ADCY3: variants seen among roughly 807,000 people sequenced by gnomAD.
The protein encoded by ADCY3 is adenylate cyclase 3.
Under a neutral mutation model 119.4 loss-of-function variants are expected in ADCY3, and 70 were observed. That is an observed-to-expected ratio of 0.59 (90% CI 0.48 to 0.72). The LOEUF is 0.72. Ranked by LOEUF, ADCY3 falls within the 30% of genes least tolerant of loss-of-function variation. The probability of loss-of-function intolerance (pLI) is 0.00; values close to 1 mark genes in which losing one functional copy is unlikely to be tolerated. For synonymous variants in ADCY3, 672 were observed against 621.4 expected, an observed-to-expected ratio of 1.08 and a Z score of -1.21; for missense variants, 1,238 against 1,541.6, an observed-to-expected ratio of 0.80 and a Z score of 3.30.
At chr2:24,874,313 T>C (rs570817391) in intron 2 of ADCY3, among the ~76,000 whole-genome samples, 6 of 152,336 alleles carry the variant, frequency 3.9e-5, no homozygotes, top group African/African-American at 1.4e-4. Flanking sequence ...GTTGACCTCT[T>C]GGGTCTGAGC....
rs182921402 is a variant in ADCY3 at position 24,879,590 on chromosome 2, C to T, written c.676-6871G>A. Among the ~76,000 whole-genome samples, 1,140 of 152,028 alleles carry T rather than the reference C, an allele frequency of 7.5e-3. 11 individuals are homozygous for T. Among genetic ancestry groups the T allele is most frequent in the African/African-American group, 0.026 (1,077 of 41,460 alleles). Reference sequence around the variant, plus strand: ...GTAACTAATAATAACACTTTGAGGACGTTTTACAAGAATCTTCATGTTCAT... The same window carrying T: ...GTAACTAATAATAACACTTTGAGGATGTTTTACAAGAATCTTCATGTTCAT... On this transcript the variant is annotated intron_variant, in intron 2 of 21. Transcript: ENST00000679454.
chr2:24,828,933 T>G (rs1190537231), intron 13 of ADCY3, among the ~76,000 whole-genome samples: 2 of 152,152 alleles, frequency 1.3e-5, no homozygotes, highest in South Asian at 4.1e-4. Flanking sequence ...GGGCTTCTCT[T>G]CCCTGGGTAG....
At chr2:24,884,202 C>T (rs1676738453) in intron 2 of ADCY3, among the ~76,000 whole-genome samples, 1 of 152,080 alleles carries the variant, frequency 6.6e-6, no homozygotes, top group Non-Finnish European at 1.5e-5. Flanking sequence ...GCCAGGTGCA[C>T]CAGCGTCCCA....
rs1669985498 is a variant in ADCY3 at position 24,834,245 on chromosome 2, C to A, written c.1967+240G>T. Among the ~76,000 whole-genome samples, 1 of 152,238 alleles carries A rather than the reference C, an allele frequency of 6.6e-6. No individual in the cohort carries two copies. Among genetic ancestry groups the A allele is most frequent in the African/African-American group, 2.4e-5 (1 of 41,454 alleles). ...CCTCTGTCCCTCAGCTCTCTTGATC[C>A]TGGCCAGATCCCCATTCTGACGCTA... is the stretch of plus-strand genomic sequence containing the variant. On this transcript the variant is annotated intron_variant, in intron 11 of 21. Coordinates refer to ENST00000679454, the MANE Select transcript of ADCY3 (RefSeq NM_004036.5). This position sits in a 1 kb window ranked among gnomAD's most constrained non-coding sequence, Gnocchi z 4.2.
chr2:24,847,993 C>T (rs1018959289), intron 3 of ADCY3, among the ~76,000 whole-genome samples: 3 of 152,282 alleles, frequency 2.0e-5, no homozygotes, highest in East Asian at 1.9e-4. Flanking sequence ...AGGAGGCAGC[C>T]GTCAGGATCA....
chr2:24,872,577 T>TG lies in ADCY3; in HGVS notation c.817dup (p.Gln273ProfsTer17). 1 of 1,614,094 alleles carries TG rather than the reference T, an allele frequency of 6.2e-7. No individual in the cohort carries two copies. Among genetic ancestry groups the TG allele is most frequent in the Non-Finnish European group, 8.5e-7 (1 of 1,179,968 alleles). ...GCCTCCCGAGAGCCTCACCTGCTGC[T>TG]GGCTCTGCTCTTCCAGGTTCATCTT... is the stretch of plus-strand genomic sequence containing the variant. On this transcript the variant is annotated frameshift_variant, in exon 3 of 22. Transcript: ENST00000679454. LOFTEE classifies it high-confidence loss of function. This position sits in a 1 kb window ranked among gnomAD's most constrained non-coding sequence, Gnocchi z 4.4.
intron 2 of ADCY3, among the ~76,000 whole-genome samples, chr2:24,875,043 G>A (rs1572957506): frequency 6.6e-6 from 1 of 152,170 alleles, no homozygotes; most frequent in Non-Finnish European, 1.5e-5. Flanking sequence ...GGTAATGACA[G>A]TAACTCCTTG....
At chr2:24,824,821 CAG>C (rs1173898948) in intron 16 of ADCY3, among the ~76,000 whole-genome samples, 1 of 152,100 alleles carries the variant, frequency 6.6e-6, no homozygotes, top group Non-Finnish European at 1.5e-5. Flanking sequence ...ACCCAGGAGG[CAG>C]AGGTTGCAGT....
chr2:24,903,690 G>A lies in ADCY3; in HGVS notation c.675+14623C>T, dbSNP rs542934949. 1.6e-4 allele frequency among the ~76,000 whole-genome samples: 24 copies of A among 152,280 alleles called. No homozygotes were observed. The East Asian group carries it at 4.6e-3, about 29-fold the overall frequency. On this transcript the variant is annotated intron_variant, in intron 2 of 21. Transcript: ENST00000679454. ...CCATCGTGAAGGGAAGTGGGTGAGG[G>A]GCGGGGAGGAATGGGAGCAGGGGTA...
At chr2:24,849,731 C>G (rs1375526194) in intron 3 of ADCY3, among the ~76,000 whole-genome samples, 1 of 152,138 alleles carries the variant, frequency 6.6e-6, no homozygotes, top group Non-Finnish European at 1.5e-5. Context: ...AAAGGACACA[C>G]GGAACCTGAC....
intron 2 of ADCY3, among the ~76,000 whole-genome samples, chr2:24,874,352 G>A (rs1558484206): frequency 6.6e-6 from 1 of 152,194 alleles, no homozygotes; most frequent in Non-Finnish European, 1.5e-5. Context: ...CGTTTGTGGG[G>A]CAAGTCTGTT....
At chr2:24,855,455 G>A (rs1210441656) in intron 3 of ADCY3, among the ~76,000 whole-genome samples, 2 of 152,224 alleles carry the variant, frequency 1.3e-5, no homozygotes, top group Admixed American at 6.5e-5. Context: ...GGGGTGGAAG[G>A]CTGGACCGGA....
chr2:24,914,271 C>G (rs1240090947), intron 2 of ADCY3, among the ~76,000 whole-genome samples: 1 of 152,218 alleles, frequency 6.6e-6, no homozygotes, highest in Non-Finnish European at 1.5e-5. Context: ...CTCCATGGAA[C>G]ACAGACAAAT....
At chr2:24,858,983 T>C (rs1052655761) in intron 3 of ADCY3, among the ~76,000 whole-genome samples, 3 of 152,246 alleles carry the variant, frequency 2.0e-5, no homozygotes, top group Non-Finnish European at 4.4e-5. Flanking sequence ...ATGAAGAGCA[T>C]TCTGTGACAT....
intron 2 of ADCY3, among the ~76,000 whole-genome samples, chr2:24,897,714 T>C (rs1403291889): frequency 6.6e-6 from 1 of 152,150 alleles, no homozygotes; most frequent in African/African-American, 2.4e-5. Flanking sequence ...CACGGGAAGT[T>C]CAGCAAGGAC....
intron 19 of ADCY3, 57 bp from the exon 20 acceptor site, chr2:24,821,697 C>G: frequency 6.3e-7 from 1 of 1,590,990 alleles, no homozygotes; most frequent in Non-Finnish European, 8.6e-7. Flanking sequence ...GCAGCCTGCT[C>G]TGCTGCCTTC....
chr2:24,869,271 GA>G (rs541532215), intron 3 of ADCY3, among the ~76,000 whole-genome samples: 74 of 151,990 alleles, frequency 4.9e-4, no homozygotes, highest in Admixed American at 1.4e-3. Context: ...GTTTCTGGGG[GA>G]AAAAAACCTC....
chr2:24,820,249 C>T, intron 21 of ADCY3, 135 bp from the exon 22 acceptor site: 1 of 1,203,102 alleles, frequency 8.3e-7, no homozygotes, highest in Non-Finnish European at 1.1e-6. Context: ...CCAAACCTCC[C>T]AGGGCCAAGC....
chr2:24,903,909 C>T (rs966033247), intron 2 of ADCY3, among the ~76,000 whole-genome samples: 20 of 152,260 alleles, frequency 1.3e-4, no homozygotes, highest in Non-Finnish European at 2.5e-4. Flanking sequence ...CATCCTAACC[C>T]CAGGTTCTCC....
Sources: gnomAD v4.1 joint callset for allele counts (sites outside exome capture counted in the v4.1 genomes callset) on GRCh38, gnomAD v4.1.1 for gene constraint, Gnocchi (gnomAD v3.1) non-coding constraint, MANE v1.5 for transcripts, NCBI Gene and HGNC (gene_info 2026-07-23, HGNC 2026-07-21) for gene names.